The following RUFY4 variants were observed in gnomAD, a reference collection of about 807,000 sequenced individuals.
RUFY4 encodes RUN and FYVE domain containing 4, also known as RUN and FYVE domain-containing protein 4.
RUFY4 carries 73 observed loss-of-function variants against 69.0 expected under a neutral mutation model. That is an observed-to-expected ratio of 1.06 (90% CI 0.88 to 1.29). RUFY4 has a LOEUF of 1.29. RUFY4 is among the 50% of genes most tolerant of loss of function. The pLI is 0.00. For missense variants in RUFY4, 770 were observed against 705.6 expected, an observed-to-expected ratio of 1.09 and a Z score of -1.03; for synonymous variants, 287 against 271.8, an observed-to-expected ratio of 1.06 and a Z score of -0.55.
intron 9 of RUFY4, among the ~76,000 whole-genome samples, chr2:218,088,455 C>CAAAA (rs112643399): frequency 2.3e-5 from 2 of 88,302 alleles, no homozygotes; most frequent in Non-Finnish European, 5.3e-5. Flanking sequence ...GAGATGCTGT[C>CAAAA]AAAAAAAAAA....
chr2:218,087,986 C>G (rs1689933028), intron 9 of RUFY4, among the ~76,000 whole-genome samples: 1 of 151,552 alleles, frequency 6.6e-6, no homozygotes, highest in Non-Finnish European at 1.5e-5. Flanking sequence ...TATTGGTAAA[C>G]AAAGAAGGAA....
intron 2 of RUFY4, among the ~76,000 whole-genome samples, chr2:218,043,907 G>T (rs1409839215): frequency 6.6e-6 from 1 of 152,226 alleles, no homozygotes; most frequent in Admixed American, 6.5e-5. Flanking sequence ...TCCCATGCTT[G>T]TCAGTGCCCA....
intron 8 of RUFY4, among the ~76,000 whole-genome samples, chr2:218,081,846 C>T (rs2106067604): frequency 6.6e-6 from 1 of 152,312 alleles, no homozygotes; most frequent in South Asian, 2.1e-4. Context: ...GATGTCATGG[C>T]CCACCCAACT....
At chr2:218,052,030 G>A (rs1030619450) in intron 2 of RUFY4, among the ~76,000 whole-genome samples, 6 of 152,026 alleles carry the variant, frequency 3.9e-5, no homozygotes, top group Non-Finnish European at 5.9e-5. Context: ...TCCTCTTAAA[G>A]CTTTTCAGAT....
chr2:218,088,928 C>CCTCT (rs145146030), intron 9 of RUFY4, among the ~76,000 whole-genome samples: 1 of 147,628 alleles, frequency 6.8e-6, no homozygotes, highest in African/African-American at 2.5e-5. Context: ...TCTCTCCAAT[C>CCTCT]CTCTCTCTCT....
At chr2:218,048,068 C>T (rs554056188) in intron 2 of RUFY4, among the ~76,000 whole-genome samples, 6 of 152,296 alleles carry the variant, frequency 3.9e-5, no homozygotes, top group African/African-American at 1.4e-4. Flanking sequence ...AACTAATTTA[C>T]ACTCCCAGTA....
chr2:218,055,079 T>G (rs1689030653), intron 2 of RUFY4, among the ~76,000 whole-genome samples: 1 of 152,010 alleles, frequency 6.6e-6, no homozygotes, highest in Admixed American at 6.6e-5. Context: ...CTTCCTAGTC[T>G]CAAAATTAAA....
chr2:218,059,925 T>G (rs1044997491), intron 3 of RUFY4: 4 of 171,098 alleles, frequency 2.3e-5, no homozygotes, highest in African/African-American at 9.6e-5. Flanking sequence ...GGCCACAACA[T>G]TTTACATTCC....
intron 3 of RUFY4, among the ~76,000 whole-genome samples, chr2:218,062,219 G>A (rs1689212444): frequency 1.3e-5 from 2 of 152,034 alleles, no homozygotes; most frequent in Admixed American, 1.3e-4. Context: ...CTAACATGGT[G>A]AAACCCCGTC....
At chr2:218,086,967 T>C (rs1689907825) in intron 9 of RUFY4, among the ~76,000 whole-genome samples, 2 of 152,074 alleles carry the variant, frequency 1.3e-5, no homozygotes, top group Non-Finnish European at 2.9e-5. Context: ...AATTAAAAAC[T>C]CCCAGAAAAC....
At chr2:218,072,466 G>A in exon 3 of RUFY4, 2 of 1,537,350 alleles carry the variant, frequency 1.3e-6, no homozygotes, top group African/African-American at 2.7e-5. Flanking sequence ...GGGGAAACAT[G>A]GAGCCAATCC....
exon 5 of RUFY4, chr2:218,073,316 C>G (rs1689540728): frequency 6.4e-7 from 1 of 1,569,408 alleles, no homozygotes; most frequent in African/African-American, 1.4e-5. Flanking sequence ...TCTCTATGCT[C>G]TCAATGGGGT....
chr2:218,062,875 A>G (rs1689234630), intron 3 of RUFY4, among the ~76,000 whole-genome samples: 1 of 152,206 alleles, frequency 6.6e-6, no homozygotes, highest in Non-Finnish European at 1.5e-5. Flanking sequence ...CCTGCACCCC[A>G]ATAAGAGGGA....
chr2:218,064,835 C>G (rs1379520317), upstream of RUFY4, among the ~76,000 whole-genome samples: 1 of 152,100 alleles, frequency 6.6e-6, no homozygotes, highest in Non-Finnish European at 1.5e-5. Flanking sequence ...TGCCCTCCCC[C>G]TCCAGTTCCT....
intron 3 of RUFY4, chr2:218,059,428 TC>T: frequency 6.0e-6 from 1 of 166,538 alleles, no homozygotes. Flanking sequence ...CTCCCCATAC[TC>T]CCCTCCCCTC....
intron 6 of RUFY4, among the ~76,000 whole-genome samples, chr2:218,074,201 G>A (rs996296721): frequency 2.6e-5 from 4 of 152,136 alleles, no homozygotes; most frequent in Non-Finnish European, 5.9e-5. Context: ...AGATGAGAGG[G>A]ACACCCTCTG....
At chr2:218,070,961 C>A in intron 2 of RUFY4, 102 bp downstream of exon 4, 1 of 825,276 alleles carries the variant, frequency 1.2e-6, no homozygotes, top group Non-Finnish European at 1.9e-6. Flanking sequence ...CCTTCCTTAC[C>A]ATGCACTGTG....
chr2:218,075,790 G>A (rs770527231), intron 7 of RUFY4, 50 bp downstream of exon 9: 8 of 1,363,426 alleles, frequency 5.9e-6, no homozygotes, highest in Non-Finnish European at 6.7e-6. Context: ...GTCTGACCTG[G>A]CCCACAGATG....
At chr2:218,060,555 G>T in intron 3 of RUFY4, 1 of 1,306,544 alleles carries the variant, frequency 7.7e-7, no homozygotes, top group Non-Finnish European at 1.1e-6. Flanking sequence ...TGATGTCGTT[G>T]CGGCGCTCAC....
Sources: gnomAD v4.1 joint callset for allele counts (sites outside exome capture counted in the v4.1 genomes callset) on GRCh38, gnomAD v4.1.1 for gene constraint, MANE v1.5 for transcripts, NCBI Gene and HGNC (gene_info 2026-07-23, HGNC 2026-07-21) for gene names.